The following USP3 variants were observed in gnomAD, a reference collection of about 807,000 sequenced individuals.
The protein encoded by USP3 is ubiquitin specific peptidase 3.
USP3 carries 20 observed loss-of-function variants against 72.3 expected under a neutral mutation model. That is an observed-to-expected ratio of 0.28 (90% CI 0.19 to 0.40). The LOEUF (loss-of-function observed/expected upper bound fraction) is 0.40, where lower values mean the gene tolerates loss of function less well. USP3 is among the 10% of genes least tolerant of loss of function. USP3 has a pLI of 1.00. For synonymous variants in USP3, 222 were observed against 225.3 expected (o/e 0.99, Z 0.13); for missense variants, 479 against 633.9 (o/e 0.76, Z 2.62).
chr15:63,524,518 A>G (rs1484139229), intron 1 of USP3, among the ~76,000 whole-genome samples: 1 of 152,194 alleles, frequency 6.6e-6, no homozygotes, highest in Non-Finnish European at 1.5e-5. Flanking sequence ...ATTCAGGAAG[A>G]ACTTGCCTGG....
rs1308211268 is a variant in USP3 at position 63,553,625 on chromosome 15, T to A, written c.285-90T>A. Reference sequence around the variant, plus strand: ...AGTAACTGCCTGCAGAGCCATGTGATCATCTTGGCAACAGCCAGACCTTTT... The same window carrying A: ...AGTAACTGCCTGCAGAGCCATGTGAACATCTTGGCAACAGCCAGACCTTTT... On this transcript the variant is annotated intron_variant, in intron 3 of 14. Coordinates refer to ENST00000380324, the MANE Select transcript of USP3 (RefSeq NM_006537.4). The surrounding 1 kb of genome is among the most constrained non-coding windows in gnomAD (Gnocchi z 4.2). 6.8e-6 allele frequency: 8 copies of A among 1,178,620 alleles called. No homozygotes were observed. The highest frequency in any genetic ancestry group is 9.4e-6 in the Non-Finnish European group (8 of 847,938). The allele number at this position is 1,178,620 out of a possible 1,614,324, so 73.0% of individuals were successfully genotyped here.
Position 63,558,247 on chromosome 15 carries a change from G to A in USP3, c.533+59G>A, listed in dbSNP as rs976089887. 10 of 1,568,154 alleles carry A rather than the reference G, an allele frequency of 6.4e-6. No homozygotes were observed. In the African/African-American group the frequency reaches 1.2e-4, roughly 19 times the overall value. On this transcript the variant is annotated intron_variant, in intron 6 of 14. Coordinates refer to ENST00000380324, the MANE Select transcript of USP3 (RefSeq NM_006537.4). ...TTAAAGGTTAAGAGCACGGGCTCTG[G>A]CTCCCTATCTCGTCTGCCACTAACT... is the stretch of plus-strand genomic sequence containing the variant.
chr15:63,546,579 C>T (rs2066331422), intron 3 of USP3, among the ~76,000 whole-genome samples: 1 of 151,948 alleles, frequency 6.6e-6, no homozygotes, highest in South Asian at 2.1e-4. Context: ...CTTTTAAATC[C>T]ATCTGTTTGC....
At chr15:63,511,948 C>G (rs1212086891) in intron 1 of USP3, among the ~76,000 whole-genome samples, 1 of 147,900 alleles carries the variant, frequency 6.8e-6, no homozygotes, top group Admixed American at 6.7e-5. Context: ...CTAGTAACTG[C>G]AGATCTTTTT....
Position 63,553,682 on chromosome 15 carries a change from C to T in USP3, c.285-33C>T. 6.2e-7 allele frequency: 1 copy of T among 1,600,954 alleles called. No individual in the cohort carries two copies. Among genetic ancestry groups the T allele is most frequent in the African/African-American group, 1.3e-5 (1 of 74,208 alleles). On this transcript the variant is annotated intron_variant, in intron 3 of 14. Coordinates refer to ENST00000380324, the MANE Select transcript of USP3 (RefSeq NM_006537.4). This position sits in a 1 kb window ranked among gnomAD's most constrained non-coding sequence, Gnocchi z 4.2. Reference sequence around the variant, plus strand: ...TTCATTACTGTGGTTTCCTCAAGCTCTTTACACACATTGATTAATATTTTC... The same window carrying T: ...TTCATTACTGTGGTTTCCTCAAGCTTTTTACACACATTGATTAATATTTTC...
chr15:63,543,619 T>A (rs1374212504), intron 3 of USP3, among the ~76,000 whole-genome samples: 1 of 152,248 alleles, frequency 6.6e-6, no homozygotes, highest in Non-Finnish European at 1.5e-5. Context: ...TTATATGGAT[T>A]TATTCGTCCC....
At chr15:63,547,812 GGC>G (rs2066364931) in intron 3 of USP3, among the ~76,000 whole-genome samples, 8 of 60,478 alleles carry the variant, frequency 1.3e-4, no homozygotes, top group Admixed American at 3.0e-4. Flanking sequence ...CATAGAGAGA[GGC>G]ATAGAGAGAG....
intron 14 of USP3, 104 bp downstream of exon 14, chr15:63,589,115 C>A: frequency 7.5e-7 from 1 of 1,333,458 alleles, no homozygotes; most frequent in Admixed American, 1.8e-5. Flanking sequence ...AAAATGGATT[C>A]AGATAAAGTA....
intron 3 of USP3, among the ~76,000 whole-genome samples, chr15:63,549,343 T>G (rs968682182): frequency 5.3e-5 from 8 of 152,230 alleles, no homozygotes; most frequent in African/African-American, 1.9e-4. Flanking sequence ...TATTTGTATC[T>G]GTATTGAGAA....
chr15:63,529,922 A>C lies in USP3; in HGVS notation c.92-2725A>C, dbSNP rs1323394505. 6.6e-6 allele frequency among the ~76,000 whole-genome samples: 1 copy of C among 152,200 alleles called. No individual in the cohort carries two copies. The highest frequency in any genetic ancestry group is 1.5e-5 in the Non-Finnish European group (1 of 68,036). ...GAGGCAGGGAGGATTGCTTGAGCTA[A>C]GGGATTCAAGACCAGTCTAGGCAAC... On this transcript the variant is annotated intron_variant, in intron 1 of 14. Transcript: ENST00000380324. The surrounding 1 kb of genome is among the most constrained non-coding windows in gnomAD (Gnocchi z 4.2).
chr15:63,545,970 C>CAAAAAAA lies in USP3; in HGVS notation c.285-7726_285-7720dup, dbSNP rs60122671. Among the ~76,000 whole-genome samples the CAAAAAAA allele has an allele frequency of 4.2e-4, 29 of 68,846 alleles. 1 individual carries two copies. The highest frequency in any genetic ancestry group is 1.4e-3 in the African/African-American group (24 of 16,836). The allele number at this position is 68,846 out of a possible 152,430, so 45.2% of individuals were successfully genotyped here. A position where few individuals can be genotyped will look rare whatever the true frequency, so the allele number is the denominator to read the frequency against. The stretch of plus-strand genomic sequence containing the variant: ...TGGGTGACAGAGCCAGACCTTGTCT[C>CAAAAAAA]AAAAAAAAAAAAAAAAAAAAAAAAA... On this transcript the variant is annotated intron_variant, in intron 3 of 14. Transcript: ENST00000380324.
chr15:63,508,345 G>C (rs1182230104), intron 1 of USP3, among the ~76,000 whole-genome samples: 1 of 152,128 alleles, frequency 6.6e-6, no homozygotes, highest in African/African-American at 2.4e-5. Flanking sequence ...TGAGGTTTTT[G>C]AAATGTATTA....
At chr15:63,512,203 T>C (rs1299318113) in intron 1 of USP3, among the ~76,000 whole-genome samples, 1 of 152,022 alleles carries the variant, frequency 6.6e-6, no homozygotes, top group Non-Finnish European at 1.5e-5. Flanking sequence ...CCCAAAGTGC[T>C]GGGATTACAT....
intron 7 of USP3, among the ~76,000 whole-genome samples, chr15:63,560,338 C>T (rs372927761): frequency 1.3e-5 from 2 of 151,424 alleles, no homozygotes; most frequent in Admixed American, 6.6e-5. Context: ...ATCGCTTGAA[C>T]CCAAGAGGCA....
chr15:63,504,942 C>T, intron 1 of USP3, 112 bp downstream of exon 1: 9 of 775,778 alleles, frequency 1.2e-5, no homozygotes, highest in Non-Finnish European at 1.3e-5. Context: ...GGGGCGAGGG[C>T]GAGCCGGGCC....
Position 63,570,364 on chromosome 15 carries a change from T to C in USP3, c.762-69T>C. 1 of 1,605,222 alleles carries C rather than the reference T, an allele frequency of 6.2e-7. No homozygotes were observed. Among genetic ancestry groups the C allele is most frequent in the Non-Finnish European group, 8.5e-7 (1 of 1,176,540 alleles). Reference sequence around the variant, plus strand: ...TGCCGTCCTTTTCCACGCCTTGGCCTCTTGCTGGTGTGGCTGGGCACAAAG... The same window carrying C: ...TGCCGTCCTTTTCCACGCCTTGGCCCCTTGCTGGTGTGGCTGGGCACAAAG... On this transcript the variant is annotated intron_variant, in intron 8 of 14. Transcript: ENST00000380324. This position sits in a 1 kb window ranked among gnomAD's most constrained non-coding sequence, Gnocchi z 4.4.
chr15:63,522,241 C>T (rs1242521478), intron 1 of USP3, among the ~76,000 whole-genome samples: 1 of 152,192 alleles, frequency 6.6e-6, no homozygotes, highest in Non-Finnish European at 1.5e-5. Flanking sequence ...AGAAGGGAGA[C>T]GTCCTCCTGC....
intron 11 of USP3, among the ~76,000 whole-genome samples, chr15:63,583,352 C>T (rs142165066): frequency 1.3e-5 from 2 of 152,228 alleles, no homozygotes; most frequent in East Asian, 3.9e-4. Flanking sequence ...TGGCTCATGC[C>T]TGTAATCTCA....
At chr15:63,557,720 T>C (rs944556650) in intron 5 of USP3, among the ~76,000 whole-genome samples, 8 of 152,242 alleles carry the variant, frequency 5.3e-5, no homozygotes, top group African/African-American at 1.9e-4. Context: ...GGGACAAAAA[T>C]ACTTGGGGTG....
Sources: gnomAD v4.1 joint callset for allele counts (sites outside exome capture counted in the v4.1 genomes callset) on GRCh38, gnomAD v4.1.1 for gene constraint, Gnocchi (gnomAD v3.1) non-coding constraint, MANE v1.5 for transcripts, NCBI Gene and HGNC (gene_info 2026-07-23, HGNC 2026-07-21) for gene names.